Variants in COL12A1 observed in about 807,000 individuals in gnomAD.
COL12A1 encodes the protein collagen alpha-1(XII) chain.
COL12A1 carries 114 observed loss-of-function variants against 349.7 expected under a neutral mutation model. That is an observed-to-expected ratio of 0.33 (90% confidence interval 0.28 to 0.38). The LOEUF (loss-of-function observed/expected upper bound fraction) is 0.38, where lower values mean the gene tolerates loss of function less well. Ranked by LOEUF, COL12A1 falls within the 10% of genes least tolerant of loss-of-function variation. The pLI, the probability that COL12A1 is intolerant of heterozygous loss-of-function variation, is 1.00. For synonymous variants in COL12A1, 1,369 were observed against 1,329.0 expected, an observed-to-expected ratio of 1.03 and a Z score of -0.66; for missense variants, 3,284 against 3,756.9, an observed-to-expected ratio of 0.87 and a Z score of 3.29.
At chr6:75,126,626 T>A (rs1766030092) in intron 38 of COL12A1, among the ~76,000 whole-genome samples, 156 bp from the exon 39 acceptor site, 1 of 152,100 alleles carries the variant, frequency 6.6e-6, no homozygotes, top group Non-Finnish European at 1.5e-5. Context: ...ATTGAAGTAT[T>A]CAAAAAATGC....
At chr6:75,108,325 T>A (rs773246851) in intron 52 of COL12A1, among the ~76,000 whole-genome samples, 1 of 152,056 alleles carries the variant, frequency 6.6e-6, no homozygotes, top group Non-Finnish European at 1.5e-5. Flanking sequence ...TGGCCTTAAG[T>A]AATTCTCCTT....
In COL12A1 at chr6:75,092,546, C is replaced by G. The variant is rs1345728667; in HGVS notation, c.8650-1021G>C. ...CAGTTATATATTTCCAGGCTGCCAA[C>G]TGCTATCACCGAAGGAACATCTAAA... On this transcript the variant is annotated intron_variant, in intron 60 of 65. Coordinates refer to ENST00000322507, the MANE Select transcript of COL12A1 (RefSeq NM_004370.6). Among the ~76,000 whole-genome samples, 5 of 148,678 alleles carry G rather than the reference C, an allele frequency of 3.4e-5. No homozygotes were observed. The East Asian group carries it at 1.0e-3, about 30-fold the overall frequency.
chr6:75,191,335 A>C lies in COL12A1; in HGVS notation c.394+366T>G, dbSNP rs188868372. Among the ~76,000 whole-genome samples the C allele has an allele frequency of 4.6e-5, 7 of 152,106 alleles. No homozygotes were observed. In the East Asian group the frequency reaches 1.2e-3, roughly 25 times the overall value. On this transcript the variant is annotated intron_variant, in intron 5 of 65. Transcript: ENST00000322507. Reference sequence around the variant, plus strand: ...CTCATGTTCCAGCCCTGTATTTCTCATATATTCCTAAGTACCACCTACTGC... The same window carrying C: ...CTCATGTTCCAGCCCTGTATTTCTCCTATATTCCTAAGTACCACCTACTGC...
In COL12A1 at chr6:75,155,950, G is replaced by T. The variant is rs969516141; in HGVS notation, c.3251-96C>A. On this transcript the variant is annotated intron_variant, in intron 15 of 65. Coordinates refer to ENST00000322507, the MANE Select transcript of COL12A1 (RefSeq NM_004370.6). ...CCACAAAAATGCATATCCATAAAAA[G>T]GGTTTAAGTCCGGTAGCACAAAATA... 5 of 1,301,850 alleles carry T rather than the reference G, an allele frequency of 3.8e-6. No individual in the cohort carries two copies. The African/African-American group carries it at 7.5e-5, about 20-fold the overall frequency. 80.6% of individuals were successfully genotyped at this position (1,301,850 alleles called of 1,614,324 possible).
intron 14 of COL12A1, among the ~76,000 whole-genome samples, chr6:75,164,875 G>A (rs1435086725): frequency 6.6e-6 from 1 of 151,766 alleles, no homozygotes; most frequent in Non-Finnish European, 1.5e-5. Flanking sequence ...AGGTAAATCT[G>A]AGCCATCAGA....
At chr6:75,134,057 C>T (rs1434512624) in intron 32 of COL12A1, 60 bp from the exon 33 acceptor site, 2 of 1,552,252 alleles carry the variant, frequency 1.3e-6, no homozygotes, top group African/African-American at 2.7e-5. Flanking sequence ...ACATGAAACA[C>T]AGATTCACTG....
rs145072644 is a variant in COL12A1, at chr6:75,100,702, G to A, written c.8523+898C>T. 2.0e-5 allele frequency among the ~76,000 whole-genome samples: 3 copies of A among 152,226 alleles called. No homozygotes were observed. The East Asian group carries it at 5.8e-4, about 29-fold the overall frequency. ...GGCAAATCTTTGCTCCCTCTGAATG[G>A]CCTACCTCTCTGCCCAATGGTGTCT... On this transcript the variant is annotated intron_variant, in intron 58 of 65. Transcript: ENST00000322507.
intron 25 of COL12A1, among the ~76,000 whole-genome samples, chr6:75,143,686 T>A (rs969740094): frequency 6.6e-6 from 1 of 152,214 alleles, no homozygotes. Context: ...CTCAACCCCA[T>A]AATAAATCAT....
In COL12A1 at chr6:75,175,235, G is replaced by A. The variant is rs368537733; in HGVS notation, c.2513C>T (p.Pro838Leu). 3 of 1,613,988 alleles carry A rather than the reference G, an allele frequency of 1.9e-6. No homozygotes were observed. The highest frequency in any genetic ancestry group is 2.5e-6 in the Non-Finnish European group (3 of 1,180,040). Residue 838 changes from proline (P) to leucine (L), a missense_variant, in exon 13 of 66, where the codon CCA becomes CTA. By Grantham distance (98) the Pro-to-Leu change is moderately conservative. Around this residue, in one of 2 missense-constraint regions of COL12A1, gnomAD observed 2,601 missense variants for 2,824.8 expected, o/e 0.92. Transcript: ENST00000322507. ...GACGAGATACTGTTTCACTTTTCCT[G>A]GTGCCCCACTCCAAGATAATTTCAT... is the stretch of plus-strand genomic sequence containing the variant. ...STMKLSWSGA[P>L]GKVKQYLVTY...
At chr6:75,155,385 T>C (rs953245419) in intron 16 of COL12A1, among the ~76,000 whole-genome samples, 5 of 152,162 alleles carry the variant, frequency 3.3e-5, no homozygotes, top group Admixed American at 3.3e-4. Flanking sequence ...CAGGGTGTTA[T>C]TGAAAACACC....
chr6:75,152,128 C>T lies in COL12A1; in HGVS notation c.3835+3G>A, dbSNP rs1582139552. The T allele has an allele frequency of 1.2e-6, 2 of 1,613,822 alleles. No individual in the cohort carries two copies. Among genetic ancestry groups the T allele is most frequent in the Non-Finnish European group, 1.7e-6 (2 of 1,179,824 alleles). ...GAAAGACTGTCAGACAGTCCTTACT[C>T]ACCTGTGAGAGTATTGCCTCCTTTG... On this transcript the variant is annotated splice_donor_region_variant and intron_variant, in intron 19 of 65. Coordinates refer to ENST00000322507, the MANE Select transcript of COL12A1 (RefSeq NM_004370.6).
intron 46 of COL12A1, among the ~76,000 whole-genome samples, chr6:75,118,724 C>G (rs979141260): frequency 2.6e-5 from 4 of 152,192 alleles, no homozygotes; most frequent in Non-Finnish European, 4.4e-5. Context: ...TATCAAGATT[C>G]ATTTCTGCTA....
At chr6:75,114,525 T>A (rs1018925342) in intron 49 of COL12A1, among the ~76,000 whole-genome samples, 1 of 151,978 alleles carries the variant, frequency 6.6e-6, no homozygotes, top group African/African-American at 2.4e-5. Context: ...GTTTTCTATC[T>A]GAGAACATTT....
rs1388088232 is a variant in COL12A1 at position 75,109,085 on chromosome 6, C to T, written c.8033G>A (p.Gly2678Glu). The T allele has an allele frequency of 3.7e-6, 6 of 1,611,992 alleles. No individual in the cohort carries two copies. The highest frequency in any genetic ancestry group is 2.7e-5 in the African/African-American group (2 of 74,824). Residue 2678 changes from glycine to glutamate, a missense_variant, in exon 52 of 66, where the codon GGA (glycine) becomes GAA (glutamate). Gly to Glu is a moderately conservative substitution (Grantham distance 98). Around this residue, in one of 2 missense-constraint regions of COL12A1, gnomAD observed 683 missense variants for 932.1 expected, o/e 0.73. Coordinates refer to ENST00000322507, the MANE Select transcript of COL12A1 (RefSeq NM_004370.6). The part of the protein sequence containing the change: ...EIIEKDIKEA[G>E]NITTDGYEIL... The stretch of plus-strand genomic sequence containing the variant: ...TTCATAACCATCAGTTGTTATATTT[C>T]CAGCTTCCTTGATGTCTTTTTCTAT...
Position 75,152,344 on chromosome 6 carries a change from C to G in COL12A1, c.3704G>C (p.Arg1235Thr), listed in dbSNP as rs2149417604. 1 of 1,613,538 alleles carries G rather than the reference C, an allele frequency of 6.2e-7. No individual in the cohort carries two copies. Among genetic ancestry groups the G allele is most frequent in the Non-Finnish European group, 8.5e-7 (1 of 1,179,684 alleles). ...TTGTCAGAACCTACCAATTTGTACT[C>G]TTTTGGGGCCAATGTCAAAGACTTC... ...IVEVFDIGPK[R>T]VQIALAQYSG... The change falls in exon 18 of 66, where the codon AGA (arginine) becomes ACA (threonine). Residue 1235 changes from arginine to threonine, a missense_variant. Physicochemically the swap from Arg to Thr is moderately conservative, Grantham distance 71 (BLOSUM62 -1). Coordinates refer to ENST00000322507, the MANE Select transcript of COL12A1 (RefSeq NM_004370.6).
At chr6:75,152,793 ATGGGCTCACAAATTC>A in intron 17 of COL12A1, among the ~76,000 whole-genome samples, 1 of 152,218 alleles carries the variant, frequency 6.6e-6, no homozygotes, top group Non-Finnish European at 1.5e-5. Context: ...TGAAAATTTG[ATGGGCTCACAAATTC>A]AAAGGCTGAA....
intron 54 of COL12A1, among the ~76,000 whole-genome samples, chr6:75,104,550 G>T (rs1768453155): frequency 2.0e-5 from 3 of 152,154 alleles, no homozygotes; most frequent in Admixed American, 2.0e-4. Flanking sequence ...GGAGATTAGA[G>T]CTATCCTCAA....
chr6:75,091,719 T>C (rs890385328), intron 60 of COL12A1, among the ~76,000 whole-genome samples, 194 bp from the exon 61 acceptor site: 2 of 150,506 alleles, frequency 1.3e-5, no homozygotes, highest in Non-Finnish European at 1.5e-5. Context: ...CTCTCTCTCT[T>C]TCTCTCTCTC....
chr6:75,143,339 G>C lies in COL12A1; in HGVS notation c.4740C>G (p.Ser1580Arg), dbSNP rs776482139. 2.5e-6 allele frequency: 4 copies of C among 1,613,824 alleles called. No homozygotes were observed. The highest frequency in any genetic ancestry group is 3.4e-6 in the Non-Finnish European group (4 of 1,179,886). Residue 1580 changes from serine to arginine, a missense_variant, in exon 26 of 66, where the codon AGC (serine) becomes AGG (arginine). This residue lies in a region of COL12A1 where 2,601 missense variants were observed against 2,824.8 expected (regional missense o/e 0.92). Transcript: ENST00000322507. ...QDLKLRDVTH[S>R]TMNVFWEPVP... ...CAGGTTCCCAAAAGACATTCATAGTGCTGTGAGTCACATCTCTGAGTTTCA... is the reference window on the plus strand; with the variant it reads ...CAGGTTCCCAAAAGACATTCATAGTCCTGTGAGTCACATCTCTGAGTTTCA...
Sources: gnomAD v4.1 joint callset for allele counts (sites outside exome capture counted in the v4.1 genomes callset) on GRCh38, gnomAD v4.1.1 for gene constraint, gnomAD v4.1.1 regional missense constraint, MANE v1.5 for transcripts, NCBI Gene and HGNC (gene_info 2026-07-23, HGNC 2026-07-21) for gene names.